GAB2: variants seen among roughly 807,000 people sequenced by gnomAD.
The protein encoded by GAB2 is GRB2-associated-binding protein 2.
Under a neutral mutation model 65.5 loss-of-function variants are expected in GAB2, and 26 were observed. The ratio of observed to expected loss-of-function variants is 0.40; its 90% CI spans 0.29 to 0.55. The LOEUF is 0.55. GAB2 is among the 20% of genes least tolerant of loss of function. The pLI is 0.53. For missense variants in GAB2, 884 were observed against 875.8 expected (o/e 1.01, Z -0.12); for synonymous variants, 321 against 329.6 (o/e 0.97, Z 0.28).
chr11:78,308,637 T>G lies in GAB2; in HGVS notation c.76-27736A>C, dbSNP rs532575994. ...GAAGGAAGCGAGTATAAAAATGTGATTTCAAAAGTTCAAAAATAAACAGAA... is the reference window on the plus strand; with the variant it reads ...GAAGGAAGCGAGTATAAAAATGTGAGTTCAAAAGTTCAAAAATAAACAGAA... On this transcript the variant is annotated intron_variant, in intron 1 of 9. Transcript: ENST00000361507. Among the ~76,000 whole-genome samples the G allele has an allele frequency of 2.6e-3, 392 of 152,230 alleles. 6 individuals carry two copies. Among genetic ancestry groups the G allele is most frequent in the Middle Eastern group, 0.02 (6 of 294 alleles).
rs776211847 is a variant in GAB2 at position 78,226,983 on chromosome 11, A to G, written c.689T>C (p.Leu230Pro). ...GACACAGTGTCCATTGCCCTGGGCA[A>G]GTTTTTGTACAGCTGTGTCACTCCT... ...LMRSDTAVQK[L>P]AQGNGHCVNG... is the part of the protein sequence containing the mutation. Residue 230 changes from leucine (L) to proline (P), a missense_variant, in exon 4 of 10, where the codon CTT (leucine) becomes CCT (proline). Physicochemically the swap from Leu to Pro is moderately conservative, Grantham distance 98. Coordinates refer to ENST00000361507, the MANE Select transcript of GAB2 (RefSeq NM_080491.3). 2.5e-6 allele frequency: 4 copies of G among 1,613,880 alleles called. 1 individual carries two copies. In the South Asian group the frequency reaches 3.3e-5, roughly 13 times the overall value.
chr11:78,417,564 C>A, intron 1 of GAB2, 82 bp downstream of exon 1: 2 of 694,568 alleles, frequency 2.9e-6, no homozygotes, highest in Non-Finnish European at 3.8e-6. Flanking sequence ...CCCCAGCCTG[C>A]CGCCCCTCCG....
chr11:78,232,503 T>C (rs773532300), intron 3 of GAB2, among the ~76,000 whole-genome samples: 13 of 152,246 alleles, frequency 8.5e-5, no homozygotes, highest in Non-Finnish European at 1.6e-4. Flanking sequence ...GTCTTGACTC[T>C]GCCAGTTCAA....
At chr11:78,275,241 G>T (rs1050765443) in intron 2 of GAB2, among the ~76,000 whole-genome samples, 1 of 152,136 alleles carries the variant, frequency 6.6e-6, no homozygotes, top group African/African-American at 2.4e-5. Flanking sequence ...CCAAGGATGG[G>T]GAGTGGGTAG....
rs144798239 is a variant in GAB2 at position 78,223,663 on chromosome 11, A to G, written c.1316T>C (p.Ile439Thr). ...GVGSFLPGKM[I>T]VGRSDSTNSE... Reference sequence around the variant, plus strand: ...ATTGGTGCTGTCCGATCGGCCCACAATCATTTTCCCTGGCTAGGGAGAGGA... The same window carrying G: ...ATTGGTGCTGTCCGATCGGCCCACAGTCATTTTCCCTGGCTAGGGAGAGGA... The change falls in exon 6 of 10, where the codon ATT (isoleucine) becomes ACT (threonine). Residue 439 changes from isoleucine to threonine, a missense_variant. Ile to Thr is a moderately conservative substitution (Grantham distance 89). Coordinates refer to ENST00000361507, the MANE Select transcript of GAB2 (RefSeq NM_080491.3). The G allele has an allele frequency of 4.5e-5, 72 of 1,601,354 alleles. No homozygotes were observed. The African/African-American group carries it at 6.7e-4, about 15-fold the overall frequency.
rs186005025 is a variant in GAB2, at chr11:78,362,429, G to C, written c.75+55217C>G. 1.3e-4 allele frequency among the ~76,000 whole-genome samples: 19 copies of C among 151,794 alleles called. No homozygotes were observed. In the East Asian group the frequency reaches 3.5e-3, roughly 28 times the overall value. ...TAGTTAGAGTGTAACTTCCAAATAAGCAGAGGGATAAAAAGGAAATTAGAA... is the reference window on the plus strand; with the variant it reads ...TAGTTAGAGTGTAACTTCCAAATAACCAGAGGGATAAAAAGGAAATTAGAA... On this transcript the variant is annotated intron_variant, in intron 1 of 9. Transcript: ENST00000361507.
chr11:78,371,172 G>A (rs966381126), intron 1 of GAB2, among the ~76,000 whole-genome samples: 1 of 152,190 alleles, frequency 6.6e-6, no homozygotes, highest in Non-Finnish European at 1.5e-5. Flanking sequence ...GACACACTGA[G>A]TCTCACACAA....
chr11:78,345,280 A>G (rs886873275), intron 1 of GAB2, among the ~76,000 whole-genome samples: 3 of 152,216 alleles, frequency 2.0e-5, no homozygotes. Context: ...ATCCTGTCTC[A>G]AAAACAAAAA....
At chr11:78,220,866 A>C (rs914104362) in intron 8 of GAB2, among the ~76,000 whole-genome samples, 2 of 152,204 alleles carry the variant, frequency 1.3e-5, no homozygotes, top group Admixed American at 1.3e-4. Flanking sequence ...AGAAAGGAGC[A>C]CATTTCCTTT....
chr11:78,241,701 A>G (rs1052945452), intron 3 of GAB2, among the ~76,000 whole-genome samples: 29 of 152,222 alleles, frequency 1.9e-4, no homozygotes, highest in African/African-American at 6.8e-4. Flanking sequence ...AACTTGATCA[A>G]TTAGAAGAAA....
intron 1 of GAB2, among the ~76,000 whole-genome samples, chr11:78,291,566 T>TTTC (rs1866681035): frequency 1.0e-5 from 1 of 97,062 alleles, no homozygotes; most frequent in African/African-American, 4.9e-5. Context: ...TTTTTCTTTT[T>TTTC]TTTTTTTTTT....
chr11:78,287,277 GT>G (rs1219348672), intron 1 of GAB2, among the ~76,000 whole-genome samples: 3 of 152,064 alleles, frequency 2.0e-5, no homozygotes, highest in South Asian at 2.1e-4. Context: ...GTTATACTTA[GT>G]TTTTTTTGGT....
chr11:78,319,249 C>T (rs1855676643), intron 1 of GAB2, among the ~76,000 whole-genome samples: 1 of 152,140 alleles, frequency 6.6e-6, no homozygotes, highest in Non-Finnish European at 1.5e-5. Flanking sequence ...CATGACAATT[C>T]CCTGTAGTGT....
At chr11:78,392,377 C>A (rs903607532) in intron 1 of GAB2, 1 of 152,140 alleles carries the variant, frequency 6.6e-6, no homozygotes, top group Non-Finnish European at 1.5e-5. Flanking sequence ...TCTACAGATG[C>A]TACAATAGAA....
intron 1 of GAB2, among the ~76,000 whole-genome samples, chr11:78,411,556 T>A (rs1299578571): frequency 6.6e-6 from 1 of 152,058 alleles, no homozygotes; most frequent in African/African-American, 2.4e-5. Flanking sequence ...CCCACACAAA[T>A]ACGTCCAACT....
At chr11:78,322,674 T>A (rs2090096) in intron 1 of GAB2, among the ~76,000 whole-genome samples, 3,654 of 151,898 alleles carry the variant, frequency 0.024, 130 homozygotes, top group African/African-American at 0.083. Flanking sequence ...TCTCAAAAGA[T>A]GACACACAAT....
At chr11:78,334,781 T>TG (rs1855971900) in intron 1 of GAB2, among the ~76,000 whole-genome samples, 1 of 152,220 alleles carries the variant, frequency 6.6e-6, no homozygotes, top group South Asian at 2.1e-4. Context: ...GCTGTGGGAT[T>TG]GCTGGATCAC....
chr11:78,268,742 A>G (rs1198746662), intron 2 of GAB2, among the ~76,000 whole-genome samples: 1 of 151,778 alleles, frequency 6.6e-6, no homozygotes, highest in Non-Finnish European at 1.5e-5. Flanking sequence ...ATTTAAAAAA[A>G]AAAAAAAAAA....
intron 1 of GAB2, among the ~76,000 whole-genome samples, chr11:78,302,116 T>C (rs1185098725): frequency 6.6e-6 from 1 of 152,118 alleles, no homozygotes; most frequent in Non-Finnish European, 1.5e-5. Context: ...AAAACCCTTC[T>C]AGACATTGGC....
Sources: allele counts gnomAD v4.1 joint callset (sites outside exome capture counted in the v4.1 genomes callset), GRCh38; gene constraint gnomAD v4.1.1; transcripts MANE v1.5; gene names NCBI Gene and HGNC (gene_info 2026-07-23, HGNC 2026-07-21).